Variants in TIMM17A observed in about 807,000 individuals in gnomAD.
TIMM17A encodes mitochondrial import inner membrane translocase subunit Tim17-A.
A neutral mutation model predicts 26.5 loss-of-function variants in TIMM17A; 15 were observed. The observed-to-expected ratio is 0.57, with a 90% confidence interval of 0.38 to 0.87. The LOEUF is 0.87. Among genes scored for constraint, TIMM17A ranks in the 40% least tolerant of loss-of-function variants. The pLI, the probability that TIMM17A is intolerant of heterozygous loss-of-function variation, is 0.00. For synonymous variants in TIMM17A, 80 were observed against 70.8 expected (o/e 1.13, Z -0.66); for missense variants, 201 against 210.0 (o/e 0.96, Z 0.27).
At chr1:201,956,065 T>C (rs1261254254) in intron 1 of TIMM17A, among the ~76,000 whole-genome samples, 2 of 152,098 alleles carry the variant, frequency 1.3e-5, no homozygotes, top group Admixed American at 1.3e-4. Context: ...AGCCAAGGGG[T>C]CTGGATAAGC....
chr1:201,967,702 C>T (rs528699229), intron 5 of TIMM17A, among the ~76,000 whole-genome samples: 1 of 151,816 alleles, frequency 6.6e-6, no homozygotes, highest in Admixed American at 6.6e-5. Flanking sequence ...ACCGCTATGC[C>T]CGGCTAATTT....
Position 201,970,408 on chromosome 1 carries a change from A to G in TIMM17A, c.*854A>G, listed in dbSNP as rs917709716. ...GGGTCTGGTTGGGCCTGGAAAATGG[A>G]TGAGCACTTCAGAACAGGTCATTTT... On this transcript the variant is annotated 3_prime_UTR_variant, in exon 6 of 6. Coordinates refer to ENST00000367287, the MANE Select transcript of TIMM17A (RefSeq NM_006335.3). 1 of 152,222 alleles carries G rather than the reference A, an allele frequency of 6.6e-6. No homozygotes were observed. The highest frequency in any genetic ancestry group is 2.4e-5 in the African/African-American group (1 of 41,452). The allele number at this position is 152,222 out of a possible 1,614,324, so 9.4% of individuals were successfully genotyped here. A position where few individuals can be genotyped will look rare whatever the true frequency, so the allele number is the denominator to read the frequency against.
At chr1:201,967,239 C>T (rs903192887) in intron 5 of TIMM17A, among the ~76,000 whole-genome samples, 1 of 151,898 alleles carries the variant, frequency 6.6e-6, no homozygotes, top group Non-Finnish European at 1.5e-5. Context: ...GTGCACTGCT[C>T]GTTAAATGGC....
chr1:201,963,908 C>A (rs1399251915), intron 4 of TIMM17A, among the ~76,000 whole-genome samples, 164 bp downstream of exon 4: 1 of 151,782 alleles, frequency 6.6e-6, no homozygotes, highest in Non-Finnish European at 1.5e-5. Context: ...GTAGATTGCA[C>A]AAGTCCAGGA....
Position 201,957,266 on chromosome 1 carries a change from T to TTC in TIMM17A, c.27-15_27-14insTC. On this transcript the variant is annotated splice_polypyrimidine_tract_variant and intron_variant, in intron 1 of 5. Transcript: ENST00000367287. Reference sequence around the variant, plus strand: ...TGAATGAGAAATATGGTCTTTTTTTTCCCCCTGTTCTTAGCCCATGGCGAA... The same window carrying TTC: ...TGAATGAGAAATATGGTCTTTTTTTTTCCCCCCTGTTCTTAGCCCATGGCGAA... The TTC allele has an allele frequency of 6.5e-7, 1 of 1,530,460 alleles. No individual in the cohort carries two copies. The highest frequency in any genetic ancestry group is 2.2e-5 in the East Asian group (1 of 44,524). 94.8% of individuals were successfully genotyped at this position (1,530,460 alleles called of 1,614,324 possible). A position where few individuals can be genotyped will look rare whatever the true frequency, so the allele number is the denominator to read the frequency against.
chr1:201,963,711 G>A lies in TIMM17A; in HGVS notation c.286G>A (p.Gly96Ser), dbSNP rs1170674506. The A allele has an allele frequency of 1.2e-6, 2 of 1,611,240 alleles. No homozygotes were observed. Among genetic ancestry groups the A allele is most frequent in the East Asian group, 2.2e-5 (1 of 44,826 alleles). The change falls in exon 4 of 6, where the codon GGT becomes AGT. Residue 96 changes from glycine to serine, a missense_variant. By Grantham distance (56) the Gly-to-Ser change is moderately conservative. Coordinates refer to ENST00000367287, the MANE Select transcript of TIMM17A (RefSeq NM_006335.3). The stretch of plus-strand genomic sequence containing the variant: ...AGATCCCTGGAACTCCATCACAAGT[G>A]GTGCCTTAACGGGAGCCATACTGGC... ...KEDPWNSITS[G>S]ALTGAILAAR...
intron 4 of TIMM17A, 49 bp from the exon 5 acceptor site, chr1:201,965,384 T>C (rs373740078): frequency 7.7e-7 from 1 of 1,298,056 alleles, no homozygotes; most frequent in Non-Finnish European, 1.1e-6. Flanking sequence ...TCTCTTACAG[T>C]AAACTAGATT....
At chr1:201,963,908 C>T (rs1399251915) in intron 4 of TIMM17A, among the ~76,000 whole-genome samples, 164 bp downstream of exon 4, 1 of 151,782 alleles carries the variant, frequency 6.6e-6, no homozygotes, top group Non-Finnish European at 1.5e-5. Context: ...GTAGATTGCA[C>T]AAGTCCAGGA....
chr1:201,957,202 T>C (rs1244046764), intron 1 of TIMM17A, 79 bp from the exon 2 acceptor site: 10 of 918,756 alleles, frequency 1.1e-5, no homozygotes, highest in Non-Finnish European at 1.8e-5. Context: ...TGTTCCATTA[T>C]AATCCTTACT....
intron 1 of TIMM17A, among the ~76,000 whole-genome samples, 172 bp from the exon 2 acceptor site, chr1:201,957,109 C>T (rs1265800038): frequency 6.6e-6 from 1 of 152,160 alleles, no homozygotes; most frequent in African/African-American, 2.4e-5. Context: ...GATTTTTTGA[C>T]TGCCCTGTTT....
In TIMM17A at chr1:201,964,839, G is replaced by A. The variant is rs181913156; in HGVS notation, c.320-594G>A. Among the ~76,000 whole-genome samples, 376 of 150,906 alleles carry A rather than the reference G, an allele frequency of 2.5e-3. 3 individuals carry two copies. Among genetic ancestry groups the A allele is most frequent in the African/African-American group, 8.5e-3 (351 of 41,128 alleles). On this transcript the variant is annotated intron_variant, in intron 4 of 5. Coordinates refer to ENST00000367287, the MANE Select transcript of TIMM17A (RefSeq NM_006335.3). ...AATTTTTTGTATTTTTAGTGGAGAC[G>A]GGGTTTTACCATGTTAGCCAGGATG...
chr1:201,957,819 C>CT, intron 3 of TIMM17A: 2 of 399,320 alleles, frequency 5.0e-6, no homozygotes, highest in Non-Finnish European at 8.7e-6. Flanking sequence ...TTTTTTCCTT[C>CT]TCCAGAAGAA....
intron 2 of TIMM17A, 58 bp from the exon 3 acceptor site, chr1:201,957,453 A>G: frequency 6.3e-7 from 1 of 1,598,774 alleles, no homozygotes; most frequent in Non-Finnish European, 8.6e-7. Flanking sequence ...TGGTCCCATC[A>G]GTGGCTTAGA....
chr1:201,965,613 A>T, intron 5 of TIMM17A, 70 bp downstream of exon 5: 1 of 996,142 alleles, frequency 1.0e-6, no homozygotes. Context: ...GAAAGAACAT[A>T]CTTTGTGTGA....
At chr1:201,964,012 A>G (rs1323736652) in intron 4 of TIMM17A, among the ~76,000 whole-genome samples, 2 of 152,052 alleles carry the variant, frequency 1.3e-5, no homozygotes, top group Non-Finnish European at 2.9e-5. Context: ...CCAGCTACTC[A>G]TGAGGCCGAG....
At chr1:201,965,136 G>A (rs1286688691) in intron 4 of TIMM17A, among the ~76,000 whole-genome samples, 3 of 152,082 alleles carry the variant, frequency 2.0e-5, no homozygotes, top group Non-Finnish European at 4.4e-5. Context: ...ATTTTTAGTA[G>A]AGACGGGGTT....
In TIMM17A at chr1:201,955,523, C is replaced by A. The variant is rs1275211328; in HGVS notation, c.-4C>A. ...CCGGCATCACTCGCGGCATTGGAGT[C>A]AAGATGGAGGAGTACGCGCGAGAGC... On this transcript the variant is annotated 5_prime_UTR_variant, in exon 1 of 6. Transcript: ENST00000367287. 3 of 1,614,264 alleles carry A rather than the reference C, an allele frequency of 1.9e-6. No homozygotes were observed. Among genetic ancestry groups the A allele is most frequent in the Non-Finnish European group, 2.5e-6 (3 of 1,180,044 alleles).
chr1:201,965,259 G>A (rs1490074875), intron 4 of TIMM17A, among the ~76,000 whole-genome samples, 174 bp from the exon 5 acceptor site: 1 of 152,164 alleles, frequency 6.6e-6, no homozygotes, highest in Non-Finnish European at 1.5e-5. Context: ...TACAAAAATA[G>A]GCAGTGGGTG....
chr1:201,968,517 G>A (rs1438267609), intron 5 of TIMM17A, among the ~76,000 whole-genome samples: 16 of 151,330 alleles, frequency 1.1e-4, no homozygotes, highest in Admixed American at 9.3e-4. Flanking sequence ...CTCAGCTCCT[G>A]AGTAGTTGGG....
Sources: gnomAD v4.1 joint callset for allele counts (sites outside exome capture counted in the v4.1 genomes callset) on GRCh38, gnomAD v4.1.1 for gene constraint, MANE v1.5 for transcripts, NCBI Gene and HGNC (gene_info 2026-07-23, HGNC 2026-07-21) for gene names.